The following ACAP3 variants were observed in gnomAD, a reference collection of about 807,000 sequenced individuals.
ACAP3 encodes the protein ArfGAP with coiled-coil, ankyrin repeat and PH domains 3.
ACAP3 carries 56 observed loss-of-function variants against 104.1 expected under a neutral mutation model. That is an observed-to-expected ratio of 0.54 (90% CI 0.43 to 0.67). ACAP3 has a LOEUF of 0.67. ACAP3 is among the 30% of genes least tolerant of loss of function. The probability of loss-of-function intolerance (pLI) is 0.00; values close to 1 mark genes in which losing one functional copy is unlikely to be tolerated. For missense variants in ACAP3, 1,208 were observed against 1,174.9 expected (o/e 1.03, Z -0.41); for synonymous variants, 628 against 496.2 (o/e 1.27, Z -3.53).
At position 1,293,308 on chromosome 1, in the gene ACAP3, G is replaced by C. The variant is rs1399305439; in HGVS notation, c.*256C>G. 3.4e-6 allele frequency: 1 copy of C among 293,956 alleles called. No homozygotes were observed. The highest frequency in any genetic ancestry group is 6.2e-6 in the Non-Finnish European group (1 of 162,446). The allele number at this position is 293,956 out of a possible 1,614,324, so 18.2% of individuals were successfully genotyped here. Reference sequence around the variant, plus strand: ...GGCCCCTGAAAAGGGGTGACCTGAAGACAGAGGTTCCCCAGGTGGGGTGAG... The same window carrying C: ...GGCCCCTGAAAAGGGGTGACCTGAACACAGAGGTTCCCCAGGTGGGGTGAG... On this transcript the variant is annotated 3_prime_UTR_variant, in exon 24 of 24. Transcript: ENST00000354700.
At chr1:1,300,483 C>A in intron 6 of ACAP3, 26 bp downstream of exon 6, 1 of 1,587,460 alleles carries the variant, frequency 6.3e-7, no homozygotes, top group Non-Finnish European at 8.6e-7. Flanking sequence ...CTGGTCCCCG[C>A]CCCCCAGCCC....
At chr1:1,293,981 CGA>C in intron 22 of ACAP3, 48 bp from the exon 23 acceptor site, 1 of 1,468,350 alleles carries the variant, frequency 6.8e-7, no homozygotes, top group Non-Finnish European at 9.0e-7. Context: ...CGGGGCGGGG[CGA>C]GTGTGGTCGC....
chr1:1,296,541 C>T lies in ACAP3; in HGVS notation c.1221G>A (p.Gln407=). The change falls in exon 15 of 24, where the codon CAG becomes CAA. Residue 407 remains glutamine (Q), a synonymous_variant. Transcript: ENST00000354700. ...ERGVKGESVL[Q]RVQSVAGNSQ... is the part of the protein sequence containing the mutation. Reference sequence around the variant, plus strand: ...TGTTGCCGGCCACACTCTGCACACGCTGCAGCACACTCTCGCCCTTCACGC... The same window carrying T: ...TGTTGCCGGCCACACTCTGCACACGTTGCAGCACACTCTCGCCCTTCACGC... 6.5e-7 allele frequency: 1 copy of T among 1,539,808 alleles called. No individual in the cohort carries two copies. Among genetic ancestry groups the T allele is most frequent in the Non-Finnish European group, 8.7e-7 (1 of 1,146,688 alleles).
intron 1 of ACAP3, chr1:1,307,092 C>A (rs1336148595): frequency 9.7e-7 from 1 of 1,032,548 alleles, no homozygotes; most frequent in South Asian, 1.3e-5. Flanking sequence ...AGAGAGGTTT[C>A]TTTGCCTCCA....
Position 1,294,663 on chromosome 1 carries a change from C to T in ACAP3, c.1913-35G>A, listed in dbSNP as rs572853937. 9.6e-5 allele frequency: 148 copies of T among 1,538,864 alleles called. 1 individual carries two copies. The African/African-American group carries it at 1.6e-3, about 17-fold the overall frequency. On this transcript the variant is annotated intron_variant, in intron 20 of 23. Transcript: ENST00000354700. Reference sequence around the variant, plus strand: ...GGGGGCGGTCAGGGAAAGCAACCCCCGGGGCTGCCCAGGGGCTGGGCAGGG... The same window carrying T: ...GGGGGCGGTCAGGGAAAGCAACCCCTGGGGCTGCCCAGGGGCTGGGCAGGG...
rs1277963798 is a variant in ACAP3 at position 1,293,675 on chromosome 1, G to A, written c.2394C>T (p.Arg798=). ...GGGGACCAGGGGCAGCCTCGGCCTC[G>A]CGCATTTCCTCCGCCATGCGCGCCA... is the stretch of plus-strand genomic sequence containing the variant. ...LRLARMAEEM[R]EAEAAPGPPG... is the part of the protein sequence containing the mutation. The change falls in exon 24 of 24, where the codon CGC becomes CGT. Residue 798 remains arginine (R), a synonymous_variant. Coordinates refer to ENST00000354700, the MANE Select transcript of ACAP3 (RefSeq NM_030649.3). The A allele has an allele frequency of 1.4e-6, 2 of 1,456,384 alleles. No homozygotes were observed. The highest frequency in any genetic ancestry group is 2.9e-5 in the East Asian group (1 of 34,132). The allele number at this position is 1,456,384 out of a possible 1,614,324, so 90.2% of individuals were successfully genotyped here. A position where few individuals can be genotyped will look rare whatever the true frequency, so the allele number is the denominator to read the frequency against.
chr1:1,301,770 C>T (rs1641456681), intron 5 of ACAP3: 2 of 409,602 alleles, frequency 4.9e-6, no homozygotes, highest in Non-Finnish European at 8.7e-6. Context: ...GACTGGACCT[C>T]TCTGCTGTGG....
intron 22 of ACAP3, 70 bp downstream of exon 22, chr1:1,294,020 G>T: frequency 6.8e-7 from 1 of 1,477,086 alleles, no homozygotes; most frequent in Non-Finnish European, 9.0e-7. Context: ...AGGGCATGGC[G>T]GACAGGGCGT....
chr1:1,303,908 T>A lies in ACAP3; in HGVS notation c.105+178A>T. 1 of 746,100 alleles carries A rather than the reference T, an allele frequency of 1.3e-6. No homozygotes were observed. The highest frequency in any genetic ancestry group is 2.2e-6 in the Non-Finnish European group (1 of 457,542). 46.2% of individuals were successfully genotyped at this position (746,100 alleles called of 1,614,324 possible). On this transcript the variant is annotated intron_variant, in intron 2 of 23. Coordinates refer to ENST00000354700, the MANE Select transcript of ACAP3 (RefSeq NM_030649.3). The surrounding 1 kb of genome is among the most constrained non-coding windows in gnomAD (Gnocchi z 4.0). ...ACTCAGGGCCAGCCACATGTGTGCA[T>A]GTGACATGTGCACCCTGGAACACAC... is the stretch of plus-strand genomic sequence containing the variant.
At chr1:1,298,211 G>A in intron 12 of ACAP3, 98 bp from the exon 13 acceptor site, 3 of 1,567,604 alleles carry the variant, frequency 1.9e-6, no homozygotes, top group Admixed American at 1.9e-5. Flanking sequence ...CCGACTGCCT[G>A]AGCCCCAAGC....
rs1490306598 is a variant in ACAP3 at position 1,294,816 on chromosome 1, C to T, written c.1814G>A (p.Ser605Asn). ...CCCAAGGCCACTGTCGCTACTCAGA[C>T]CTGCAGGTCCGCAGGGAAGGGGGTC... ...DAGAAGAGPR[S>N]LSSDSGLGGS... is the part of the protein sequence containing the mutation. The change falls in exon 20 of 24, where the codon AGT (serine) becomes AAT (asparagine). Residue 605 changes from serine (S) to asparagine (N), a missense_variant and splice_region_variant. Transcript: ENST00000354700. 2 of 1,549,774 alleles carry T rather than the reference C, an allele frequency of 1.3e-6. No individual in the cohort carries two copies. Among genetic ancestry groups the T allele is most frequent in the South Asian group, 1.2e-5 (1 of 84,056 alleles).
rs367817509 is a variant in ACAP3 at position 1,302,019 on chromosome 1, C to G, written c.307G>C (p.Val103Leu). 2 of 1,572,014 alleles carry G rather than the reference C, an allele frequency of 1.3e-6. No homozygotes were observed. The highest frequency in any genetic ancestry group is 1.7e-6 in the Non-Finnish European group (2 of 1,156,912). Residue 103 changes from valine to leucine, a missense_variant, in exon 5 of 24, where the codon GTG becomes CTG. By Grantham distance (32) the Val-to-Leu change is conservative. Transcript: ENST00000354700. Reference sequence around the variant, plus strand: ...ACAAAGCTCTGGAGCTGCTGCCGCACGGACCTCTGGGCCTGGTCAAACAGG... The same window carrying G: ...ACAAAGCTCTGGAGCTGCTGCCGCAGGGACCTCTGGGCCTGGTCAAACAGG... Reference protein sequence around the residue: ...MILFDQAQRSVRQQLQSFVKE... With the variant: ...MILFDQAQRSLRQQLQSFVKE...
At chr1:1,294,693 C>T (rs1052623048) in intron 20 of ACAP3, 25 bp downstream of exon 20, 108 of 1,547,624 alleles carry the variant, frequency 7.0e-5, no homozygotes, top group Non-Finnish European at 9.1e-5. Flanking sequence ...GCAGGGGCCT[C>T]GGGCGAGGGC....
rs758625172 is a variant in ACAP3 at position 1,295,567 on chromosome 1, T to C, written c.1706-13A>G. On this transcript the variant is annotated splice_polypyrimidine_tract_variant and intron_variant, in intron 18 of 23. Transcript: ENST00000354700. ...TCCAGGGTGCCCACTGCAGGGGCAGTGCGTGTTCAGAGTGTGGAACAGGCC... is the reference window on the plus strand; with the variant it reads ...TCCAGGGTGCCCACTGCAGGGGCAGCGCGTGTTCAGAGTGTGGAACAGGCC... The C allele has an allele frequency of 4.3e-6, 7 of 1,609,664 alleles. No homozygotes were observed. The African/African-American group carries it at 6.7e-5, about 15-fold the overall frequency.
At chr1:1,300,752 G>A (rs1641407665) in intron 5 of ACAP3, 60 bp from the exon 6 acceptor site, 24 of 1,537,434 alleles carry the variant, frequency 1.6e-5, no homozygotes, top group African/African-American at 2.8e-5. Flanking sequence ...GGATCCTGGA[G>A]TCTCCCACAT....
intron 12 of ACAP3, 71 bp from the exon 13 acceptor site, chr1:1,298,184 C>T (rs1257054840): frequency 1.4e-5 from 22 of 1,562,052 alleles, no homozygotes; most frequent in East Asian, 2.4e-5. Context: ...TCCTGCTTCA[C>T]CTTGGAGACC....
intron 19 of ACAP3, 129 bp downstream of exon 19, chr1:1,295,317 TG>T: frequency 1.3e-6 from 1 of 775,432 alleles, no homozygotes; most frequent in Non-Finnish European, 2.1e-6. Context: ...TCCAGCTGTG[TG>T]GCCAGGAGGC....
Position 1,303,232 on chromosome 1 carries a change from C to A in ACAP3, c.155G>T (p.Ser52Ile). The A allele has an allele frequency of 6.2e-7, 1 of 1,606,086 alleles. No homozygotes were observed. Among genetic ancestry groups the A allele is most frequent in the Non-Finnish European group, 8.5e-7 (1 of 1,177,176 alleles). ...GCCGCTCACGAAAAGCCTGCTGGTG[C>A]TGACGTAGGCCTTACCGGCTTCCAC... Reference protein sequence around the residue: ...GMVEAGKAYVSTSRLFVSGVR... With the variant: ...GMVEAGKAYVITSRLFVSGVR... The change falls in exon 3 of 24, where the codon AGC becomes ATC. Residue 52 changes from serine (S) to isoleucine (I), a missense_variant. Transcript: ENST00000354700. This position sits in a 1 kb window ranked among gnomAD's most constrained non-coding sequence, Gnocchi z 4.0.
At position 1,296,529 on chromosome 1, in the gene ACAP3, A is replaced by G. The variant is rs1445546924; in HGVS notation, c.1233T>C (p.Ser411=). The G allele has an allele frequency of 1.3e-6, 2 of 1,539,796 alleles. No homozygotes were observed. The highest frequency in any genetic ancestry group is 1.7e-6 in the Non-Finnish European group (2 of 1,146,612). ...KGESVLQRVQ[S]VAGNSQCGDC... Reference sequence around the variant, plus strand: ...CGCCGCACTGGCTGTTGCCGGCCACACTCTGCACACGCTGCAGCACACTCT... The same window carrying G: ...CGCCGCACTGGCTGTTGCCGGCCACGCTCTGCACACGCTGCAGCACACTCT... Residue 411 remains serine (S), a synonymous_variant, in exon 15 of 24, where the codon AGT becomes AGC. Transcript: ENST00000354700.
Sources: gnomAD v4.1 joint callset for allele counts on GRCh38, gnomAD v4.1.1 for gene constraint, Gnocchi (gnomAD v3.1) non-coding constraint, MANE v1.5 for transcripts, NCBI Gene and HGNC (gene_info 2026-07-23, HGNC 2026-07-21) for gene names.